The following SUN1 variants were observed in gnomAD, a reference collection of about 807,000 sequenced individuals.
SUN1 encodes Sad1 and UNC84 domain containing 1, also known as SUN domain-containing protein 1.
A neutral mutation model predicts 103.2 loss-of-function variants in SUN1; 61 were observed. The ratio of observed to expected loss-of-function variants is 0.59; its 90% confidence interval spans 0.48 to 0.73. The LOEUF (loss-of-function observed/expected upper bound fraction) is 0.73. SUN1 is among the 30% of genes least tolerant of loss of function. The pLI is 0.00. For missense variants in SUN1, 1,052 were observed against 1,034.6 expected (o/e 1.02, Z -0.23); for synonymous variants, 490 against 425.7 (o/e 1.15, Z -1.86).
upstream of SUN1, chr7:816,581 C>T: frequency 2.5e-6 from 1 of 398,068 alleles, no homozygotes. Flanking sequence ...CCGCCCTCGG[C>T]CCGGGGCGCG....
intron 14 of SUN1, among the ~76,000 whole-genome samples, chr7:860,870 A>T (rs1562779434): frequency 6.6e-6 from 1 of 152,170 alleles, no homozygotes; most frequent in South Asian, 2.1e-4. Context: ...AACTCCCTTT[A>T]TAAAACCATC....
intron 10 of SUN1, among the ~76,000 whole-genome samples, chr7:854,372 C>G (rs915504689): frequency 6.6e-6 from 1 of 152,214 alleles, no homozygotes; most frequent in Non-Finnish European, 1.5e-5. Context: ...TGGAGGATGC[C>G]GCTACTCACA....
rs575910212 is a variant in SUN1 at position 861,368 on chromosome 7, G to T, written c.1780-12G>T. ...TCTGGTGTTTGGTCTTCCGTCCCTC[G>T]TGTCTGTCCAGCAAGCACGTGCCAT... On this transcript the variant is annotated splice_polypyrimidine_tract_variant and intron_variant, in intron 14 of 18. Coordinates refer to ENST00000401592, the MANE Select transcript of SUN1 (RefSeq NM_001130965.3). 3 of 1,613,962 alleles carry T rather than the reference G, an allele frequency of 1.9e-6. No individual in the cohort carries two copies. The highest frequency in any genetic ancestry group is 2.7e-5 in the African/African-American group (2 of 74,892).
intron 17 of SUN1, among the ~76,000 whole-genome samples, chr7:871,682 C>G (rs982777851): frequency 6.6e-6 from 1 of 152,206 alleles, no homozygotes; most frequent in African/African-American, 2.4e-5. Flanking sequence ...GCCACTGTGC[C>G]CCACCCCGTA....
At chr7:861,031 G>A (rs544813256) in intron 14 of SUN1, among the ~76,000 whole-genome samples, 1 of 152,362 alleles carries the variant, frequency 6.6e-6, no homozygotes, top group South Asian at 2.1e-4. Context: ...CTATCACTCA[G>A]TAATACCTAA....
intron 3 of SUN1, chr7:842,398 G>T (rs534975265): frequency 2.0e-4 from 96 of 474,550 alleles, no homozygotes; most frequent in African/African-American, 1.8e-3. Context: ...TTATGCTAAC[G>T]TGTAGTGACT....
chr7:860,318 T>A lies in SUN1; in HGVS notation c.1715T>A (p.Leu572His). Residue 572 changes from leucine (L) to histidine (H), a missense_variant, in exon 14 of 19, where the codon CTC becomes CAC. Leu to His is a moderately conservative substitution (Grantham distance 99, BLOSUM62 -3). Coordinates refer to ENST00000401592, the MANE Select transcript of SUN1 (RefSeq NM_001130965.3). ...VTHHVSVTKQ[L>H]PTSEAVVSAV... ...CACCACGTTTCCGTGACCAAGCAGC[T>A]CCCAACCTCAGAAGCCGTGGTGTCT... 6.2e-7 allele frequency: 1 copy of A among 1,614,206 alleles called. No homozygotes were observed. Among genetic ancestry groups the A allele is most frequent in the Non-Finnish European group, 8.5e-7 (1 of 1,180,042 alleles).
chr7:872,827 G>A (rs553721974), intron 18 of SUN1, among the ~76,000 whole-genome samples: 17 of 152,310 alleles, frequency 1.1e-4, no homozygotes, highest in African/African-American at 3.4e-4. Context: ...GGTGGCTCAC[G>A]TCTGTAATCC....
At chr7:827,499 A>T (rs563188146), upstream of SUN1, among the ~76,000 whole-genome samples, 617 of 139,138 alleles carry the variant, frequency 4.4e-3, no homozygotes, top group Non-Finnish European at 7.3e-3. Flanking sequence ...AGATGGGGTC[A>T]CGCTCTGTCC....
intron 1 of SUN1, among the ~76,000 whole-genome samples, chr7:820,156 C>G (rs1387042020): frequency 6.6e-6 from 1 of 152,168 alleles, no homozygotes; most frequent in Non-Finnish European, 1.5e-5. Flanking sequence ...CTGTACATCA[C>G]TGTGGGGGTA....
chr7:827,758 G>C (rs554376319), upstream of SUN1, among the ~76,000 whole-genome samples: 1 of 151,226 alleles, frequency 6.6e-6, no homozygotes, highest in African/African-American at 2.4e-5. Context: ...GAGCCACCGT[G>C]CCTGGCCTAA....
chr7:848,048 C>T (rs62430773), intron 5 of SUN1, among the ~76,000 whole-genome samples: 1 of 116,460 alleles, frequency 8.6e-6, no homozygotes, highest in Admixed American at 8.9e-5. Context: ...CTCCGGGATC[C>T]CCTGGGGGTT....
chr7:873,294 T>C lies in SUN1; in HGVS notation c.2321T>C (p.Leu774Pro), dbSNP rs1842947551. The change falls in exon 19 of 19, where the codon CTG (leucine) becomes CCG (proline). Residue 774 changes from leucine to proline, a missense_variant. Transcript: ENST00000401592. ...SNWGHPEYTC[L>P]YRFRVHGEPV... ...TGGGGCCATCCTGAGTATACCTGTCTGTATCGGTTCAGAGTTCATGGCGAA... is the reference window on the plus strand; with the variant it reads ...TGGGGCCATCCTGAGTATACCTGTCCGTATCGGTTCAGAGTTCATGGCGAA... 6.2e-7 allele frequency: 1 copy of C among 1,614,262 alleles called. No homozygotes were observed. Among genetic ancestry groups the C allele is most frequent in the Non-Finnish European group, 8.5e-7 (1 of 1,180,040 alleles).
intron 1 of SUN1, among the ~76,000 whole-genome samples, chr7:823,648 C>T (rs1583854638): frequency 6.6e-6 from 1 of 152,124 alleles, no homozygotes; most frequent in East Asian, 1.9e-4. Context: ...GGAGTCTGTG[C>T]GAACAAGGTA....
chr7:817,841 C>G (rs1341484572), intron 1 of SUN1, among the ~76,000 whole-genome samples: 1 of 151,952 alleles, frequency 6.6e-6, no homozygotes, highest in Admixed American at 6.6e-5. Context: ...TCTGACTGTT[C>G]TGGAAATACT....
intron 16 of SUN1, chr7:868,329 A>G: frequency 4.6e-6 from 1 of 215,482 alleles, no homozygotes; most frequent in South Asian, 6.1e-5. Context: ...TCTGCCCTGC[A>G]CCTGGAGGTG....
intron 1 of SUN1, among the ~76,000 whole-genome samples, chr7:837,169 G>C (rs1459353490): frequency 1.3e-5 from 2 of 152,258 alleles, no homozygotes; most frequent in African/African-American, 4.8e-5. Context: ...GTGAGCTGAA[G>C]CCCTGGTTGC....
At chr7:855,079 TG>T (rs1344471827) in intron 11 of SUN1, 73 bp downstream of exon 11, 24 of 1,191,704 alleles carry the variant, frequency 2.0e-5, no homozygotes, top group Admixed American at 1.1e-4. Context: ...TAAAGCCCTT[TG>T]GTCATTTAAT....
chr7:849,421 C>G lies in SUN1; in HGVS notation c.659-1963C>G, dbSNP rs766558920. 174 of 913,570 alleles carry G rather than the reference C, an allele frequency of 1.9e-4. 1 individual carries two copies. The highest frequency in any genetic ancestry group is 4.3e-4 in the Admixed American group (19 of 44,378). The allele number at this position is 913,570 out of a possible 1,614,324, so 56.6% of individuals were successfully genotyped here. A position where few individuals can be genotyped will look rare whatever the true frequency, so the allele number is the denominator to read the frequency against. On this transcript the variant is annotated intron_variant, in intron 5 of 18. Coordinates refer to ENST00000401592, the MANE Select transcript of SUN1 (RefSeq NM_001130965.3). ...GTGGGAACTCTGTGGAAGTGGCTAG[C>G]CTTGCACATCCTCTGATCATGTTGA...
Sources: allele counts gnomAD v4.1 joint callset (sites outside exome capture counted in the v4.1 genomes callset), GRCh38; gene constraint gnomAD v4.1.1; transcripts MANE v1.5; gene names NCBI Gene and HGNC (gene_info 2026-07-23, HGNC 2026-07-21).